TPM3: variants seen among roughly 807,000 people sequenced by gnomAD.
TPM3 encodes tropomyosin 3, also known as tropomyosin alpha-3 chain.
Under a neutral mutation model 43.1 loss-of-function variants are expected in TPM3, and 16 were observed. The observed-to-expected ratio is 0.37, with a 90% confidence interval of 0.25 to 0.56. The LOEUF is 0.56. TPM3 is among the 20% of genes least tolerant of loss of function. TPM3 has a pLI of 0.77. For synonymous variants in TPM3, 101 were observed against 116.9 expected (o/e 0.86, Z 0.88); for missense variants, 176 against 337.2 (o/e 0.52, Z 3.74).
intron 3 of TPM3, among the ~76,000 whole-genome samples, chr1:154,175,459 T>TC (rs530839007): frequency 8.3e-4 from 126 of 151,962 alleles, no homozygotes; most frequent in Non-Finnish European, 1.3e-3. Context: ...CCCAGTGATT[T>TC]CCCCCCTCAC....
intron 2 of TPM3, 82 bp downstream of exon 2, chr1:154,191,104 G>A (rs1663660725): frequency 6.2e-7 from 1 of 1,606,628 alleles, no homozygotes; most frequent in East Asian, 2.2e-5. Context: ...GAACCCACAA[G>A]TGTGTTTGGA....
rs1661057766 is a variant in TPM3 at position 154,167,009 on chromosome 1, T to TAA, written c.*927_*928insTT. 6.6e-6 allele frequency among the ~76,000 whole-genome samples: 1 copy of TAA among 152,216 alleles called. No individual in the cohort carries two copies. Among genetic ancestry groups the TAA allele is most frequent in the Admixed American group, 6.5e-5 (1 of 15,284 alleles). On this transcript the variant is annotated 3_prime_UTR_variant, in exon 10 of 10. Coordinates refer to ENST00000651641, the MANE Select transcript of TPM3 (RefSeq NM_152263.4). ...ATAATGGGAATTTCTAAAATGTTGA[T>TAA]ATTTAATTCCACAATATGAACCAAG...
At chr1:154,161,289 A>G (rs1660336400), downstream of TPM3, among the ~76,000 whole-genome samples, 1 of 152,086 alleles carries the variant, frequency 6.6e-6, no homozygotes, top group Non-Finnish European at 1.5e-5. Flanking sequence ...TCAAAATAAC[A>G]GGTGTTGAAA....
At chr1:154,168,073 C>T in intron 9 of TPM3, 133 bp from the exon 10 acceptor site, 1 of 1,322,506 alleles carries the variant, frequency 7.6e-7, no homozygotes, top group South Asian at 1.3e-5. Context: ...ACACTTCAGC[C>T]TGAGAAATGT....
intron 2 of TPM3, chr1:154,183,654 C>G (rs76557698): frequency 0.022 from 3,984 of 177,240 alleles, 166 homozygotes; most frequent in African/African-American, 0.09. Context: ...GTCTAAAAGA[C>G]TTTCTGGGCC....
rs896170517 is a variant in TPM3 at position 154,186,433 on chromosome 1, C to G, written c.243+4753G>C. Among the ~76,000 whole-genome samples the G allele has an allele frequency of 2.0e-5, 3 of 151,522 alleles. No individual in the cohort carries two copies. In the East Asian group the frequency reaches 5.8e-4, roughly 29 times the overall value. ...AACAGATGGACTGACTCATGATAGC[C>G]TTTAGAAGCACAATGGATAGACAGC... On this transcript the variant is annotated intron_variant, in intron 2 of 9. Coordinates refer to ENST00000651641, the MANE Select transcript of TPM3 (RefSeq NM_152263.4).
rs943009913 is a variant in TPM3, at chr1:154,163,923, G to A, written c.*4014C>T. ...GCTGGGATTACAGGCGTGAGCCACC[G>A]TGCCTGGCCTCTTTTTTTTGTATTT... On this transcript the variant is annotated 3_prime_UTR_variant, in exon 10 of 10. Coordinates refer to ENST00000651641, the MANE Select transcript of TPM3 (RefSeq NM_152263.4). Among the ~76,000 whole-genome samples, 2 of 152,018 alleles carry A rather than the reference G, an allele frequency of 1.3e-5. No homozygotes were observed. Among genetic ancestry groups the A allele is most frequent in the African/African-American group, 2.4e-5 (1 of 41,378 alleles).
intron 8 of TPM3, chr1:154,170,176 G>A: frequency 1.8e-6 from 1 of 556,770 alleles, no homozygotes; most frequent in Non-Finnish European, 3.2e-6. Flanking sequence ...GGTACAAATT[G>A]CAGACTATTT....
intron 1 of TPM3, 118 bp from the exon 2 acceptor site, chr1:154,191,429 C>G (rs1663677290): frequency 1.9e-6 from 3 of 1,542,878 alleles, no homozygotes; most frequent in Middle Eastern, 2.0e-4. Flanking sequence ...GTGAGACACA[C>G]TTTCTCCCCA....
chr1:154,176,188 G>C lies in TPM3; in HGVS notation c.304C>G (p.Arg102Gly). Residue 102 changes from arginine to glycine, a missense_variant, in exon 3 of 10, where the codon CGT becomes GGT. Coordinates refer to ENST00000651641, the MANE Select transcript of TPM3 (RefSeq NM_152263.4). ...GCAGTGGCCAGGCGCTCCTGAGCAC[G>C]GTCCAGCTCTTCTTCAACCAGCTGG... The part of the protein sequence containing the change: ...RIQLVEEELD[R>G]AQERLATALQ... 6.2e-7 allele frequency: 1 copy of C among 1,614,212 alleles called. No individual in the cohort carries two copies. The highest frequency in any genetic ancestry group is 8.5e-7 in the Non-Finnish European group (1 of 1,180,036).
Position 154,166,323 on chromosome 1 carries a change from C to T in TPM3, c.*1614G>A, listed in dbSNP as rs978425355. On this transcript the variant is annotated 3_prime_UTR_variant, in exon 10 of 10. Coordinates refer to ENST00000651641, the MANE Select transcript of TPM3 (RefSeq NM_152263.4). Reference sequence around the variant, plus strand: ...TAGGTGCAATCCCACTACTGATCAGCACAGGAATTTTGACCTGCTCCATTT... The same window carrying T: ...TAGGTGCAATCCCACTACTGATCAGTACAGGAATTTTGACCTGCTCCATTT... 4 of 230,090 alleles carry T rather than the reference C, an allele frequency of 1.7e-5. No homozygotes were observed. The highest frequency in any genetic ancestry group is 6.7e-5 in the African/African-American group (3 of 45,044). The allele number at this position is 230,090 out of a possible 1,614,324, so 14.3% of individuals were successfully genotyped here.
chr1:154,159,540 C>CT (rs1214153922), downstream of TPM3, among the ~76,000 whole-genome samples: 10 of 152,188 alleles, frequency 6.6e-5, no homozygotes, highest in African/African-American at 2.4e-4. Flanking sequence ...CTTTCTAATG[C>CT]TTTGTGTTAC....
intron 2 of TPM3, among the ~76,000 whole-genome samples, chr1:154,186,626 C>G (rs1372592910): frequency 6.6e-6 from 1 of 151,636 alleles, no homozygotes; most frequent in Non-Finnish European, 1.5e-5. Flanking sequence ...CTTTGTTTCT[C>G]CCTAAACAGC....
At chr1:154,182,769 A>G (rs1309598402) in intron 2 of TPM3, among the ~76,000 whole-genome samples, 3 of 151,762 alleles carry the variant, frequency 2.0e-5, no homozygotes, top group East Asian at 1.9e-4. Context: ...GTAAGGCTCA[A>G]TTTCTTCAAA....
At position 154,162,065 on chromosome 1, in the gene TPM3, T is replaced by C. The variant is rs541505656; in HGVS notation, c.*5872A>G. ...TTTGGTCTAGCGTTCTTTTCAGCTA[T>C]ATCTAATTAAGAAACAACCCCATGG... On this transcript the variant is annotated 3_prime_UTR_variant, in exon 10 of 10. Transcript: ENST00000651641. Among the ~76,000 whole-genome samples the C allele has an allele frequency of 2.0e-5, 3 of 152,066 alleles. No homozygotes were observed. Among genetic ancestry groups the C allele is most frequent in the Non-Finnish European group, 4.4e-5 (3 of 68,008 alleles).
intron 2 of TPM3, chr1:154,183,195 C>T: frequency 1.3e-6 from 2 of 1,587,260 alleles, no homozygotes; most frequent in Middle Eastern, 2.3e-4. Context: ...CTCACCCTTA[C>T]TTCCGCCTGC....
At chr1:154,181,739 G>A (rs1261759941) in intron 2 of TPM3, among the ~76,000 whole-genome samples, 1 of 152,156 alleles carries the variant, frequency 6.6e-6, no homozygotes, top group Non-Finnish European at 1.5e-5. Context: ...GGCCAACATG[G>A]CGAAACCCCG....
In TPM3 at chr1:154,167,428, A is replaced by C. The variant is rs528322259; in HGVS notation, c.*509T>G. 1.6e-4 allele frequency: 172 copies of C among 1,069,514 alleles called. No individual in the cohort carries two copies. Among genetic ancestry groups the C allele is most frequent in the African/African-American group, 3.1e-4 (19 of 61,062 alleles). The allele number at this position is 1,069,514 out of a possible 1,614,324, so 66.3% of individuals were successfully genotyped here. On this transcript the variant is annotated 3_prime_UTR_variant, in exon 10 of 10. Transcript: ENST00000651641. ...CTCAATGACACCACACCAAAGGAGG[A>C]ATACCTGAAGAGAGAATGGAAACAC... is the stretch of plus-strand genomic sequence containing the variant.
chr1:154,174,351 AT>A, intron 3 of TPM3, among the ~76,000 whole-genome samples: 1 of 106,626 alleles, frequency 9.4e-6, no homozygotes, highest in African/African-American at 3.3e-5. Flanking sequence ...ATAAATAAAT[AT>A]TATTTAAATA....
Sources: gnomAD v4.1 joint callset for allele counts (sites outside exome capture counted in the v4.1 genomes callset) on GRCh38, gnomAD v4.1.1 for gene constraint, MANE v1.5 for transcripts, NCBI Gene and HGNC (gene_info 2026-07-23, HGNC 2026-07-21) for gene names.